The following SMYD3 variants were observed in gnomAD, a reference collection of about 807,000 sequenced individuals.
SMYD3 encodes the protein SET and MYND domain containing 3.
Under a neutral mutation model 57.7 loss-of-function variants are expected in SMYD3, and 36 were observed. The observed-to-expected ratio is 0.62, with a 90% CI of 0.48 to 0.82. SMYD3 has a LOEUF of 0.82. SMYD3 is among the 40% of genes least tolerant of loss of function. SMYD3 has a pLI of 0.00. For synonymous variants in SMYD3, 211 were observed against 195.0 expected, an observed-to-expected ratio of 1.08 and a Z score of -0.68; for missense variants, 515 against 538.8, an observed-to-expected ratio of 0.96 and a Z score of 0.44.
intron 5 of SMYD3, among the ~76,000 whole-genome samples, chr1:246,252,298 A>C (rs1056622852): frequency 7.2e-5 from 11 of 152,074 alleles, no homozygotes; most frequent in Non-Finnish European, 1.5e-4. Context: ...CACTGTGCCC[A>C]CGTACTCTGA....
chr1:245,764,537 C>G (rs527761837), intron 10 of SMYD3, among the ~76,000 whole-genome samples: 33 of 152,274 alleles, frequency 2.2e-4, no homozygotes, highest in Non-Finnish European at 4.9e-4. Flanking sequence ...CCTGGAACAG[C>G]AGATTGCCTC....
intron 5 of SMYD3, among the ~76,000 whole-genome samples, chr1:246,262,662 C>T (rs993250554): frequency 5.3e-5 from 8 of 152,150 alleles, no homozygotes; most frequent in South Asian, 2.1e-4. Flanking sequence ...ACCATATAGC[C>T]GGTCTCTGAC....
intron 10 of SMYD3, among the ~76,000 whole-genome samples, chr1:245,774,742 T>TCCTTCTCCACG (rs1457852254): frequency 1.0e-4 from 15 of 149,856 alleles, no homozygotes; most frequent in East Asian, 5.9e-4. Flanking sequence ...GGTCTCCCTC[T>TCCTTCTCCACG]GATGCTGAGC....
Position 246,327,237 on chromosome 1 carries a change from C to A in SMYD3, c.495G>T (p.Leu165=). 6.2e-7 allele frequency: 1 copy of A among 1,614,148 alleles called. No homozygotes were observed. The highest frequency in any genetic ancestry group is 8.5e-7 in the Non-Finnish European group (1 of 1,180,022). ...MREEIQDASQ[L]PPAFDLFEAF... ...CTTCAAAAAGGTCAAAGGCAGGTGG[C>A]AGCTGAGAGGCATCCTGTATTTCTT... The change falls in exon 5 of 12, where the codon CTG becomes CTT. Residue 165 remains leucine (L), a synonymous_variant. Coordinates refer to ENST00000490107, the MANE Select transcript of SMYD3 (RefSeq NM_001167740.2).
chr1:246,471,253 C>A (rs1030001066), intron 1 of SMYD3, among the ~76,000 whole-genome samples: 5 of 151,984 alleles, frequency 3.3e-5, no homozygotes, highest in Admixed American at 6.6e-5. Flanking sequence ...GGCTGAAGTG[C>A]GGCTGTATGA....
intron 5 of SMYD3, among the ~76,000 whole-genome samples, chr1:246,141,687 T>A (rs1319982741): frequency 6.6e-6 from 1 of 152,046 alleles, no homozygotes; most frequent in Admixed American, 6.6e-5. Flanking sequence ...TAAACACATT[T>A]AAAAAAAATC....
intron 5 of SMYD3, among the ~76,000 whole-genome samples, chr1:246,010,412 G>A (rs1303815865): frequency 2.6e-5 from 4 of 152,166 alleles, no homozygotes; most frequent in African/African-American, 4.8e-5. Context: ...TGTACTCATG[G>A]ATAAGAATTG....
chr1:245,926,578 G>A (rs2056389398), intron 7 of SMYD3, among the ~76,000 whole-genome samples: 1 of 152,168 alleles, frequency 6.6e-6, no homozygotes, highest in African/African-American at 2.4e-5. Flanking sequence ...AAAAGTGAAA[G>A]CAGCACCTAA....
intron 10 of SMYD3, among the ~76,000 whole-genome samples, chr1:245,791,335 A>T (rs1025394254): frequency 4.6e-5 from 7 of 152,226 alleles, no homozygotes; most frequent in Non-Finnish European, 1.0e-4. Flanking sequence ...CTTGGGCACT[A>T]AAGTACTACT....
chr1:246,300,005 CTTAAAA>C (rs1279502425), intron 5 of SMYD3, among the ~76,000 whole-genome samples: 4 of 149,974 alleles, frequency 2.7e-5, no homozygotes, highest in African/African-American at 2.5e-5. Context: ...TACCCCTGAA[CTTAAAA>C]TTAAAGTTTA....
At chr1:245,877,137 G>A (rs1324769693) in intron 8 of SMYD3, among the ~76,000 whole-genome samples, 2 of 152,212 alleles carry the variant, frequency 1.3e-5, no homozygotes, top group Non-Finnish European at 2.9e-5. Flanking sequence ...ATGGCAGGGC[G>A]GCGCTGCGGA....
intron 5 of SMYD3, among the ~76,000 whole-genome samples, chr1:246,205,440 C>T (rs2062984764): frequency 6.6e-6 from 1 of 152,192 alleles, no homozygotes; most frequent in Admixed American, 6.5e-5. Flanking sequence ...ACAGGAAAAG[C>T]ACAATATGAG....
chr1:246,115,911 G>A (rs1412009141), intron 5 of SMYD3, among the ~76,000 whole-genome samples: 1 of 151,878 alleles, frequency 6.6e-6, no homozygotes, highest in Non-Finnish European at 1.5e-5. Flanking sequence ...GGCCAAGGCG[G>A]GCAGATCACC....
intron 1 of SMYD3, among the ~76,000 whole-genome samples, chr1:246,409,670 G>A (rs2066929084): frequency 6.6e-6 from 1 of 152,026 alleles, no homozygotes; most frequent in Non-Finnish European, 1.5e-5. Context: ...CTCTTTTTTG[G>A]TTCCATATGA....
chr1:246,186,923 G>A lies in SMYD3; in HGVS notation c.531+140278C>T, dbSNP rs142156779. On this transcript the variant is annotated intron_variant, in intron 5 of 11. Coordinates refer to ENST00000490107, the MANE Select transcript of SMYD3 (RefSeq NM_001167740.2). ...AGAGTCATTATGCAAGAGGTCTCAC[G>A]GAACAACTTTTCGCTGTGACTGAAG... is the stretch of plus-strand genomic sequence containing the variant. 2,087 of 985,392 alleles carry A rather than the reference G, an allele frequency of 2.1e-3. 4 individuals carry two copies. The highest frequency in any genetic ancestry group is 2.4e-3 in the Non-Finnish European group (1,951 of 829,928). The allele number at this position is 985,392 out of a possible 1,614,324, so 61.0% of individuals were successfully genotyped here.
chr1:246,200,322 A>T (rs962752103), intron 5 of SMYD3, among the ~76,000 whole-genome samples: 1 of 150,730 alleles, frequency 6.6e-6, no homozygotes, highest in African/African-American at 2.4e-5. Context: ...AAGATAGAGG[A>T]GAACAGCGTA....
intron 5 of SMYD3, among the ~76,000 whole-genome samples, chr1:246,092,810 G>A (rs900401277): frequency 6.6e-6 from 1 of 151,822 alleles, no homozygotes; most frequent in African/African-American, 2.4e-5. Flanking sequence ...ACAATCAACA[G>A]AGTAAAGAGA....
chr1:245,949,470 T>C (rs2057543232), intron 5 of SMYD3, among the ~76,000 whole-genome samples: 1 of 150,984 alleles, frequency 6.6e-6, no homozygotes, highest in Non-Finnish European at 1.5e-5. Flanking sequence ...AGAAAAAAAA[T>C]CATATGGAGA....
chr1:246,229,945 T>C (rs1410450847), intron 5 of SMYD3, among the ~76,000 whole-genome samples: 3 of 152,206 alleles, frequency 2.0e-5, no homozygotes, highest in Non-Finnish European at 4.4e-5. Context: ...TAAAACAGAC[T>C]TATATCTACC....
Sources: gnomAD v4.1 joint callset for allele counts (sites outside exome capture counted in the v4.1 genomes callset) on GRCh38, gnomAD v4.1.1 for gene constraint, MANE v1.5 for transcripts, NCBI Gene and HGNC (gene_info 2026-07-23, HGNC 2026-07-21) for gene names.